PHF6: variants seen among roughly 807,000 people sequenced by gnomAD.
The protein encoded by PHF6 is PHD-like zinc finger protein.
A neutral mutation model predicts 34.0 loss-of-function variants in PHF6; 7 were observed. That is an observed-to-expected ratio of 0.21 (90% CI 0.12 to 0.39). The LOEUF (loss-of-function observed/expected upper bound fraction) is 0.39. Among genes scored for constraint, PHF6 ranks in the 10% least tolerant of loss-of-function variants. The pLI is 1.00. For missense variants in PHF6, 128 were observed against 262.8 expected (o/e 0.49, Z 3.55); for synonymous variants, 89 against 88.4 (o/e 1.01, Z -0.04).
At chrX:134,420,785 G>T (rs750574007) in intron 9 of PHF6, among the ~76,000 whole-genome samples, 1 of 110,787 alleles carries the variant, frequency 9.0e-6, no homozygotes, top group African/African-American at 3.3e-5. Context: ...GTAGAGACAA[G>T]ATTTCACCTT....
intron 9 of PHF6, among the ~76,000 whole-genome samples, chrX:134,422,496 T>G (rs953236973): frequency 3.6e-5 from 4 of 111,324 alleles, no homozygotes; most frequent in Admixed American, 9.6e-5. Flanking sequence ...GTGGGTAGTT[T>G]GGGGAGAGAA....
chrX:134,412,704 T>G (rs112023580), intron 5 of PHF6, among the ~76,000 whole-genome samples: 118 of 112,165 alleles, frequency 1.1e-3, no homozygotes, highest in African/African-American at 3.6e-3. Flanking sequence ...CACCTTTCAT[T>G]ATGGTAGAAA....
intron 5 of PHF6, among the ~76,000 whole-genome samples, chrX:134,403,002 T>C (rs2077408910): frequency 8.9e-6 from 1 of 111,735 alleles, no homozygotes; most frequent in African/African-American, 3.3e-5. Context: ...TCTCCCTCTT[T>C]TTGGGCTTCC....
At chrX:134,400,116 T>G (rs1173562314) in intron 5 of PHF6, among the ~76,000 whole-genome samples, 3 of 111,596 alleles carry the variant, frequency 2.7e-5, no homozygotes, top group Non-Finnish European at 5.6e-5. Flanking sequence ...TCTCACTCTA[T>G]CACGCAGGCT....
chrX:134,403,480 A>T (rs1242506802), intron 5 of PHF6, among the ~76,000 whole-genome samples: 1 of 112,544 alleles, frequency 8.9e-6, no homozygotes, highest in African/African-American at 3.2e-5. Flanking sequence ...AGATTTAAGG[A>T]AAGAAGTCTC....
At chrX:134,391,991 G>A (rs1448655198) in intron 3 of PHF6, among the ~76,000 whole-genome samples, 1 of 111,765 alleles carries the variant, frequency 8.9e-6, no homozygotes, top group Non-Finnish European at 1.9e-5. Flanking sequence ...AAGGAAGAAA[G>A]GGGTATTTCT....
intron 1 of PHF6, among the ~76,000 whole-genome samples, chrX:134,376,823 T>G (rs957026528): frequency 8.9e-6 from 1 of 112,003 alleles, no homozygotes; most frequent in Non-Finnish European, 1.9e-5. Flanking sequence ...TGGAATAGAA[T>G]AGCAAAAATT....
intron 9 of PHF6, among the ~76,000 whole-genome samples, chrX:134,423,593 T>C (rs2077498658): frequency 8.9e-6 from 1 of 112,153 alleles, no homozygotes; most frequent in African/African-American, 3.2e-5. Flanking sequence ...GTACAGATTC[T>C]CCCTAGCTTT....
At chrX:134,421,113 T>G (rs75952070) in intron 9 of PHF6, among the ~76,000 whole-genome samples, 13 of 110,647 alleles carry the variant, frequency 1.2e-4, no homozygotes, top group Non-Finnish European at 1.7e-4. Flanking sequence ...AAAAAAAAAA[T>G]AGCAGCTTAA....
intron 5 of PHF6, among the ~76,000 whole-genome samples, chrX:134,398,458 A>G (rs11096397): frequency 0.3 from 32,949 of 110,667 alleles, 4,120 homozygotes; most frequent in East Asian, 0.65. Context: ...ATGGGCCACA[A>G]TGGTAGGGAT....
chrX:134,380,561 G>A (rs774913152), intron 3 of PHF6, among the ~76,000 whole-genome samples: 1 of 111,338 alleles, frequency 9.0e-6, no homozygotes, highest in Non-Finnish European at 1.9e-5. Flanking sequence ...TACAAATAAC[G>A]AAATTTGTTC....
intron 3 of PHF6, among the ~76,000 whole-genome samples, chrX:134,391,352 C>T (rs2077353936): frequency 8.9e-6 from 1 of 111,903 alleles, no homozygotes; most frequent in African/African-American, 3.2e-5. Context: ...TGTGCTTGTG[C>T]ATTAATTGCT....
At chrX:134,400,591 T>G (rs2077399260) in intron 5 of PHF6, among the ~76,000 whole-genome samples, 1 of 110,404 alleles carries the variant, frequency 9.1e-6, no homozygotes, top group African/African-American at 3.3e-5. Flanking sequence ...CTTTCTGGTC[T>G]GCCTTCTCTG....
At chrX:134,398,609 T>C (rs1031257511) in intron 5 of PHF6, among the ~76,000 whole-genome samples, 1 of 111,064 alleles carries the variant, frequency 9.0e-6, no homozygotes, top group Non-Finnish European at 1.9e-5. Context: ...AGTAGACAAA[T>C]TTGAGAGAGT....
chrX:134,395,364 A>T (rs999743813), intron 5 of PHF6, among the ~76,000 whole-genome samples: 3 of 112,365 alleles, frequency 2.7e-5, no homozygotes, highest in Non-Finnish European at 5.6e-5. Context: ...GTTTGTTTCT[A>T]CTTAAATTTA....
chrX:134,384,792 C>T (rs972342659), intron 3 of PHF6, among the ~76,000 whole-genome samples: 1 of 109,785 alleles, frequency 9.1e-6, no homozygotes, highest in South Asian at 3.9e-4. Context: ...GCTGGGACTA[C>T]AGGCGCCCAC....
chrX:134,396,294 G>A (rs955284270), intron 5 of PHF6, among the ~76,000 whole-genome samples: 9 of 111,524 alleles, frequency 8.1e-5, no homozygotes, highest in African/African-American at 2.9e-4. Flanking sequence ...CACTGAGACA[G>A]GATATTTGAG....
intron 5 of PHF6, among the ~76,000 whole-genome samples, chrX:134,400,306 G>A (rs1195827584): frequency 2.8e-5 from 3 of 108,207 alleles, no homozygotes; most frequent in East Asian, 5.8e-4. Context: ...GGCTGGTCTC[G>A]AACTCCTGGG....
chrX:134,418,559 G>A (rs747226895), intron 9 of PHF6: 1 of 111,663 alleles, frequency 9.0e-6, no homozygotes, highest in African/African-American at 3.3e-5. Flanking sequence ...AAAAGACAAT[G>A]TACACAAGCA....
Sources: gnomAD v4.1 joint callset for allele counts (sites outside exome capture counted in the v4.1 genomes callset) on GRCh38, gnomAD v4.1.1 for gene constraint, MANE v1.5 for transcripts, NCBI Gene and HGNC (gene_info 2026-07-23, HGNC 2026-07-21) for gene names.